The following PLA2G7 variants were observed in gnomAD, a reference collection of about 807,000 sequenced individuals.
PLA2G7 encodes the protein platelet-activating factor acetylhydrolase.
Under a neutral mutation model 49.6 loss-of-function variants are expected in PLA2G7, and 63 were observed. The ratio of observed to expected loss-of-function variants is 1.27; its 90% confidence interval spans 1.04 to 1.57. The LOEUF is 1.57. Among genes scored for constraint, PLA2G7 ranks in the 40% most tolerant of loss-of-function variants. PLA2G7 has a pLI of 0.00. For missense variants in PLA2G7, 596 were observed against 521.2 expected, an observed-to-expected ratio of 1.14 and a Z score of -1.40; for synonymous variants, 193 against 169.9, an observed-to-expected ratio of 1.14 and a Z score of -1.06.
At chr6:46,729,777 C>G (rs1167852186) in intron 1 of PLA2G7, among the ~76,000 whole-genome samples, 2 of 152,158 alleles carry the variant, frequency 1.3e-5, no homozygotes, top group Non-Finnish European at 2.9e-5. Context: ...ATGCCAATAG[C>G]ACACCCCAGT....
chr6:46,711,238 T>C (rs778851537), intron 7 of PLA2G7, among the ~76,000 whole-genome samples: 42 of 152,194 alleles, frequency 2.8e-4, no homozygotes, highest in Non-Finnish European at 5.3e-4. Flanking sequence ...ATTCTAAAAT[T>C]AGAAGTTTTA....
intron 2 of PLA2G7, among the ~76,000 whole-genome samples, chr6:46,720,424 C>T (rs1765358133): frequency 6.6e-6 from 1 of 152,240 alleles, no homozygotes; most frequent in Admixed American, 6.5e-5. Flanking sequence ...TGAGGTCTGC[C>T]TGTTCCAGGA....
Position 46,722,848 on chromosome 6 carries a change from C to T in PLA2G7, c.44G>A (p.Cys15Tyr), listed in dbSNP as rs763381977. The change falls in exon 2 of 12, where the codon TGC becomes TAC. Residue 15 changes from cysteine to tyrosine, a missense_variant. Coordinates refer to ENST00000274793, the MANE Select transcript of PLA2G7 (RefSeq NM_005084.4). ...GTCAAAAGGATAAACCACAGCCAGG[C>T]AGCCGCAGAGGCAGAAAAGCACATG... is the stretch of plus-strand genomic sequence containing the variant. ...KLHVLFCLCG[C>Y]LAVVYPFDWQ... 1.5e-5 allele frequency: 25 copies of T among 1,613,946 alleles called. No individual in the cohort carries two copies. Among genetic ancestry groups the T allele is most frequent in the Non-Finnish European group, 2.0e-5 (24 of 1,179,874 alleles).
chr6:46,718,619 A>AATC (rs1248354161), intron 2 of PLA2G7, among the ~76,000 whole-genome samples: 1 of 152,198 alleles, frequency 6.6e-6, no homozygotes, highest in African/African-American at 2.4e-5. Context: ...CCTATGCTTA[A>AATC]ATCCCCTTAG....
At chr6:46,705,449 T>G in intron 10 of PLA2G7, 148 bp from the exon 11 acceptor site, 1 of 664,088 alleles carries the variant, frequency 1.5e-6, no homozygotes, top group Non-Finnish European at 2.6e-6. Flanking sequence ...TACTTAGATG[T>G]GTTTCAAGGG....
chr6:46,710,305 G>A (rs770819529), intron 8 of PLA2G7, among the ~76,000 whole-genome samples: 2 of 152,234 alleles, frequency 1.3e-5, no homozygotes, highest in South Asian at 4.1e-4. Context: ...ATATGACATT[G>A]CTGTTTTTGT....
At position 46,714,567 on chromosome 6, in the gene PLA2G7, GA is replaced by G; in HGVS notation, c.377-15del. ...TTGTCATTGAACCTAGACAACAATG[GA>G]AGGTTATAGTTAAGGTTTTCTCTGA... is the stretch of plus-strand genomic sequence containing the variant. On this transcript the variant is annotated splice_polypyrimidine_tract_variant and intron_variant, in intron 4 of 11. Coordinates refer to ENST00000274793, the MANE Select transcript of PLA2G7 (RefSeq NM_005084.4). 1 of 1,471,422 alleles carries G rather than the reference GA, an allele frequency of 6.8e-7. No individual in the cohort carries two copies. The highest frequency in any genetic ancestry group is 9.5e-7 in the Non-Finnish European group (1 of 1,049,986). The allele number at this position is 1,471,422 out of a possible 1,614,324, so 91.1% of individuals were successfully genotyped here. A position where few individuals can be genotyped will look rare whatever the true frequency, so the allele number is the denominator to read the frequency against.
intron 10 of PLA2G7, among the ~76,000 whole-genome samples, chr6:46,706,400 C>T (rs1378552085): frequency 6.6e-6 from 1 of 152,182 alleles, no homozygotes; most frequent in South Asian, 2.1e-4. Context: ...CTTGGATGAT[C>T]TGACTGTAGA....
chr6:46,728,633 C>T (rs780342143), intron 1 of PLA2G7, among the ~76,000 whole-genome samples: 1 of 152,182 alleles, frequency 6.6e-6, no homozygotes, highest in Non-Finnish European at 1.5e-5. Context: ...TTCTATATGG[C>T]TTAAAGGTCA....
chr6:46,711,969 C>T (rs1240398790), intron 6 of PLA2G7, among the ~76,000 whole-genome samples: 1 of 152,110 alleles, frequency 6.6e-6, no homozygotes, highest in African/African-American at 2.4e-5. Flanking sequence ...ATTCCTCTTC[C>T]TTAAAACAAC....
At chr6:46,711,743 CTA>C in intron 6 of PLA2G7, 124 bp from the exon 7 acceptor site, 1 of 956,514 alleles carries the variant, frequency 1.0e-6, no homozygotes, top group Non-Finnish European at 1.6e-6. Context: ...TTCTTCCACT[CTA>C]TATTTTCTCT....
At chr6:46,705,029 T>G (rs1372624369) in intron 11 of PLA2G7, 124 bp downstream of exon 11, 1 of 750,988 alleles carries the variant, frequency 1.3e-6, no homozygotes, top group Non-Finnish European at 2.2e-6. Flanking sequence ...TTCAAATTGA[T>G]ATACTGCTTT....
intron 1 of PLA2G7, among the ~76,000 whole-genome samples, chr6:46,734,242 A>T (rs1562083488): frequency 6.6e-6 from 1 of 151,990 alleles, no homozygotes; most frequent in Non-Finnish European, 1.5e-5. Context: ...TAGGACAAAG[A>T]GTGCTTTGTT....
Position 46,705,283 on chromosome 6 carries a change from A to G in PLA2G7, c.1059T>C (p.Asn353=). The G allele has an allele frequency of 3.1e-6, 5 of 1,612,516 alleles. No individual in the cohort carries two copies. Among genetic ancestry groups the G allele is most frequent in the Non-Finnish European group, 3.4e-6 (4 of 1,178,800 alleles). The stretch of plus-strand genomic sequence containing the variant: ...CAGTTGCAAAAGTGAAGTCAGCAAA[A>G]TTCTGGTGGACTGAACCCCTAAAAG... ...MITIRGSVHQ[N]FADFTFATGK... is the part of the protein sequence containing the mutation. The change falls in exon 11 of 12, where the codon AAT becomes AAC. Residue 353 remains asparagine, a synonymous_variant. Transcript: ENST00000274793.
chr6:46,721,624 T>G (rs1765405013), intron 2 of PLA2G7, among the ~76,000 whole-genome samples: 1 of 150,546 alleles, frequency 6.6e-6, no homozygotes, highest in African/African-American at 2.5e-5. Context: ...ATGAACTTAA[T>G]GTCATCTAGG....
intron 8 of PLA2G7, among the ~76,000 whole-genome samples, chr6:46,709,750 T>G (rs921908850): frequency 6.6e-6 from 1 of 152,214 alleles, no homozygotes; most frequent in Non-Finnish European, 1.5e-5. Flanking sequence ...GTTCATTCCA[T>G]GAGTATTTAT....
At chr6:46,707,607 C>A (rs926700187) in intron 10 of PLA2G7, among the ~76,000 whole-genome samples, 1 of 152,274 alleles carries the variant, frequency 6.6e-6, no homozygotes, top group Middle Eastern at 3.4e-3. Context: ...GCTCATGCCC[C>A]GGTTGCCTTC....
At chr6:46,709,531 TTATAAAA>T (rs1764941917) in intron 8 of PLA2G7, 113 bp from the exon 9 acceptor site, 3 of 703,406 alleles carry the variant, frequency 4.3e-6, no homozygotes, top group East Asian at 5.4e-5. Flanking sequence ...CATTGATTTC[TTATAAAA>T]TAGAATATAC....
At chr6:46,724,373 C>T (rs1411281502) in intron 1 of PLA2G7, among the ~76,000 whole-genome samples, 3 of 152,168 alleles carry the variant, frequency 2.0e-5, no homozygotes, top group African/African-American at 7.2e-5. Context: ...TCAGTAAATG[C>T]CTGCTGAGTG....
Sources: allele counts gnomAD v4.1 joint callset (sites outside exome capture counted in the v4.1 genomes callset), GRCh38; gene constraint gnomAD v4.1.1; transcripts MANE v1.5; gene names NCBI Gene and HGNC (gene_info 2026-07-23, HGNC 2026-07-21).